Variants in TLK1 observed in about 807,000 individuals in gnomAD.
The protein encoded by TLK1 is tousled like kinase 1.
TLK1 carries 24 observed loss-of-function variants against 105.3 expected under a neutral mutation model. That is an observed-to-expected ratio of 0.23 (90% CI 0.17 to 0.32). TLK1 has a LOEUF of 0.32. TLK1 is among the 10% of genes least tolerant of loss of function. The pLI is 1.00. For missense variants in TLK1, 558 were observed against 910.5 expected (o/e 0.61, Z 4.98); for synonymous variants, 321 against 310.4 (o/e 1.03, Z -0.36).
chr2:171,071,960 T>A (rs114862746), intron 3 of TLK1, among the ~76,000 whole-genome samples: 197 of 152,348 alleles, frequency 1.3e-3, no homozygotes, highest in African/African-American at 4.4e-3. Context: ...GATCTATGTG[T>A]CTGTTTTTAT....
At chr2:171,001,089 C>G (rs1247284184) in intron 18 of TLK1, among the ~76,000 whole-genome samples, 1 of 152,214 alleles carries the variant, frequency 6.6e-6, no homozygotes, top group East Asian at 1.9e-4. Context: ...AAGTCATATG[C>G]AACAACTGGA....
chr2:171,209,425 G>GT (rs1350065712), intron 1 of TLK1, among the ~76,000 whole-genome samples: 1 of 152,132 alleles, frequency 6.6e-6, no homozygotes. Flanking sequence ...AATTTATATT[G>GT]TAAGTGTTTA....
intron 1 of TLK1, among the ~76,000 whole-genome samples, chr2:171,147,994 G>A (rs373848009): frequency 1.3e-5 from 2 of 151,840 alleles, no homozygotes; most frequent in South Asian, 2.1e-4. Flanking sequence ...AGGTTCAAGC[G>A]ATTCTCCTGC....
exon 1 of TLK1, chr2:171,231,193 T>C (rs1331384246): frequency 6.6e-6 from 1 of 152,254 alleles, no homozygotes; most frequent in Admixed American, 6.5e-5. Context: ...GGATTGGTTC[T>C]TCCTGGAGGC....
intron 20 of TLK1, among the ~76,000 whole-genome samples, chr2:170,994,207 A>G (rs1034526424): frequency 6.6e-6 from 1 of 152,202 alleles, no homozygotes; most frequent in African/African-American, 2.4e-5. Context: ...CTTATACTGG[A>G]AAGTTGTTTC....
chr2:171,129,005 T>A (rs1690985472), intron 1 of TLK1, among the ~76,000 whole-genome samples: 1 of 152,174 alleles, frequency 6.6e-6, no homozygotes. Flanking sequence ...CACGTGTCCG[T>A]GTCAGAGACA....
chr2:171,089,063 G>T (rs1255192176), intron 2 of TLK1, among the ~76,000 whole-genome samples: 1 of 152,164 alleles, frequency 6.6e-6, no homozygotes, highest in Middle Eastern at 3.2e-3. Flanking sequence ...TGTATTTTTG[G>T]TAGAGACAAG....
At chr2:171,091,414 CAA>C (rs1279103297) in intron 2 of TLK1, among the ~76,000 whole-genome samples, 1 of 152,158 alleles carries the variant, frequency 6.6e-6, no homozygotes, top group Non-Finnish European at 1.5e-5. Context: ...ATTTGAAAGT[CAA>C]GTCTTATGAT....
chr2:171,145,911 A>C (rs1043892906), intron 1 of TLK1, among the ~76,000 whole-genome samples: 3 of 152,116 alleles, frequency 2.0e-5, no homozygotes, highest in African/African-American at 7.2e-5. Flanking sequence ...AGCATGGAGA[A>C]GGTAGTGACT....
intron 11 of TLK1, among the ~76,000 whole-genome samples, chr2:171,031,071 A>T (rs1686021173): frequency 6.6e-6 from 1 of 151,798 alleles, no homozygotes; most frequent in Admixed American, 6.6e-5. Flanking sequence ...AGAAAATTTT[A>T]CATATATATA....
chr2:171,182,803 C>T (rs193174168), intron 1 of TLK1, among the ~76,000 whole-genome samples: 1 of 151,288 alleles, frequency 6.6e-6, no homozygotes, highest in Non-Finnish European at 1.5e-5. Flanking sequence ...TCCCTGTAGT[C>T]CCAGCTCATC....
intron 14 of TLK1, among the ~76,000 whole-genome samples, chr2:171,010,642 A>G (rs13006699): frequency 0.2 from 29,758 of 148,658 alleles, 3,644 homozygotes; most frequent in Non-Finnish European, 0.28. Flanking sequence ...AAAAAAAAAG[A>G]AAGGCATAAA....
chr2:171,028,418 A>G lies in TLK1; in HGVS notation c.1170-13T>C. 1.3e-6 allele frequency: 2 copies of G among 1,572,100 alleles called. No homozygotes were observed. The highest frequency in any genetic ancestry group is 1.7e-6 in the Non-Finnish European group (2 of 1,143,992). ...TGCCAAAGTCAACCTGTCAAAAATG[A>G]AATTTTAATTCTACATATTGAGATT... On this transcript the variant is annotated splice_polypyrimidine_tract_variant and intron_variant, in intron 11 of 20. Coordinates refer to ENST00000431350, the MANE Select transcript of TLK1 (RefSeq NM_012290.5).
intron 12 of TLK1, among the ~76,000 whole-genome samples, chr2:171,024,933 G>C (rs1228671468): frequency 1.3e-5 from 2 of 151,530 alleles, no homozygotes; most frequent in Non-Finnish European, 3.0e-5. Context: ...ATAAATATTA[G>C]ATAAAAGAAT....
intron 13 of TLK1, among the ~76,000 whole-genome samples, chr2:171,014,181 GC>G (rs1485190216): frequency 6.6e-6 from 1 of 152,118 alleles, no homozygotes; most frequent in East Asian, 1.9e-4. Flanking sequence ...CATATGTCAG[GC>G]ACTGGTCTAG....
intron 1 of TLK1, among the ~76,000 whole-genome samples, chr2:171,153,356 T>C (rs1441352098): frequency 6.6e-6 from 1 of 152,218 alleles, no homozygotes; most frequent in Non-Finnish European, 1.5e-5. Flanking sequence ...CTGTTACTGT[T>C]ATCCATATCA....
upstream of TLK1, among the ~76,000 whole-genome samples, chr2:171,163,081 C>T (rs74901787): frequency 0.037 from 5,686 of 152,306 alleles, 427 homozygotes; most frequent in East Asian, 0.3. Flanking sequence ...CCTGAGCCAC[C>T]GTGCCAGGCC....
intron 10 of TLK1, 103 bp from the exon 11 acceptor site, chr2:171,046,465 A>C: frequency 7.8e-7 from 1 of 1,281,932 alleles, no homozygotes; most frequent in Non-Finnish European, 1.0e-6. Flanking sequence ...TAAAATATAC[A>C]TTCGTAACCT....
chr2:171,101,346 C>CAAAAAAAAA lies in TLK1; in HGVS notation c.258+16384_258+16392dup, dbSNP rs71401403. 3.0e-3 allele frequency among the ~76,000 whole-genome samples: 191 copies of CAAAAAAAAA among 63,188 alleles called. 6 individuals are homozygous for CAAAAAAAAA. The highest frequency in any genetic ancestry group is 3.7e-3 in the African/African-American group (51 of 13,776). 41.5% of individuals were successfully genotyped at this position (63,188 alleles called of 152,430 possible). ...GGACAACAAGAGTGAAACTCCGTCTCAAAAAAAAAAAAAAAAAAAGCCAGG... is the reference window on the plus strand; with the variant it reads ...GGACAACAAGAGTGAAACTCCGTCTCAAAAAAAAAAAAAAAAAAAAAAAAAAAAGCCAGG... On this transcript the variant is annotated intron_variant, in intron 2 of 20. Transcript: ENST00000431350.
Sources: allele counts gnomAD v4.1 joint callset (sites outside exome capture counted in the v4.1 genomes callset), GRCh38; gene constraint gnomAD v4.1.1; transcripts MANE v1.5; gene names NCBI Gene and HGNC (gene_info 2026-07-23, HGNC 2026-07-21).